The following CAST variants were observed in gnomAD, a reference collection of about 807,000 sequenced individuals.
CAST encodes the protein MIR583 host.
A neutral mutation model predicts 119.6 loss-of-function variants in CAST; 76 were observed. The ratio of observed to expected loss-of-function variants is 0.64; its 90% CI spans 0.53 to 0.77. CAST has a LOEUF of 0.77. Among genes scored for constraint, CAST ranks in the 30% least tolerant of loss-of-function variants. The pLI, the probability that CAST is intolerant of heterozygous loss-of-function variation, is 0.00. For synonymous variants in CAST, 319 were observed against 331.6 expected (o/e 0.96, Z 0.41); for missense variants, 953 against 946.5 (o/e 1.01, Z -0.09).
At chr5:96,249,785 CTG>C in the CAST span, among the ~76,000 whole-genome samples, 17 of 152,206 alleles carry the variant, frequency 1.1e-4, 1 homozygote, top group Admixed American at 9.2e-4. Flanking sequence ...GATTCATAGA[CTG>C]TGTTGGGTGT....
At chr5:96,217,663 T>C in the CAST span, among the ~76,000 whole-genome samples, 3 of 152,224 alleles carry the variant, frequency 2.0e-5, no homozygotes, top group Non-Finnish European at 2.9e-5. Context: ...TCTATTACTA[T>C]GCACAACAAT....
At chr5:96,223,171 A>G in the CAST span, among the ~76,000 whole-genome samples, 2 of 152,152 alleles carry the variant, frequency 1.3e-5, no homozygotes, top group Admixed American at 1.3e-4. Context: ...ACAAACTTAC[A>G]GTTACATAGA....
At chr5:96,192,072 C>T in the CAST span, among the ~76,000 whole-genome samples, 3 of 151,892 alleles carry the variant, frequency 2.0e-5, no homozygotes, top group Non-Finnish European at 4.4e-5. Flanking sequence ...AGGGCCTTTA[C>T]GTAAATTATA....
chr5:95,973,361 C>T, the CAST span: 7 of 152,796 alleles, frequency 4.6e-5, no homozygotes, highest in Admixed American at 2.0e-4. Context: ...CAGAACTATT[C>T]CCACTCCTAG....
At chr5:96,690,114 C>T (rs1055006312) in intron 2 of CAST, among the ~76,000 whole-genome samples, 1 of 152,178 alleles carries the variant, frequency 6.6e-6, no homozygotes, top group Non-Finnish European at 1.5e-5. Context: ...CACACGGAAA[C>T]TGAGTAATCA....
At chr5:96,415,696 A>G in the CAST span, among the ~76,000 whole-genome samples, 8 of 152,324 alleles carry the variant, frequency 5.3e-5, no homozygotes, top group East Asian at 1.3e-3. Context: ...GTCTTTGCCT[A>G]AATTTACCTC....
chr5:96,447,497 C>T, the CAST span, among the ~76,000 whole-genome samples: 1,492 of 152,332 alleles, frequency 9.8e-3, 8 homozygotes, highest in Non-Finnish European at 0.014. Context: ...CACTCACACA[C>T]ATCCACACAC....
chr5:96,252,498 G>A, the CAST span, among the ~76,000 whole-genome samples: 236 of 152,132 alleles, frequency 1.6e-3, 2 homozygotes, highest in African/African-American at 5.1e-3. Context: ...AGTTCTTCAA[G>A]TGCCCAGAAT....
At chr5:96,168,725 C>T in the CAST span, among the ~76,000 whole-genome samples, 1 of 152,012 alleles carries the variant, frequency 6.6e-6, no homozygotes, top group Non-Finnish European at 1.5e-5. Context: ...GAGATACAGT[C>T]ATGGGGGTCA....
chr5:96,520,331 C>G (rs1745494493), upstream of CAST, among the ~76,000 whole-genome samples: 1 of 152,228 alleles, frequency 6.6e-6, no homozygotes, highest in Non-Finnish European at 1.5e-5. Context: ...AGAATGTGCT[C>G]TGTCTGCTGT....
the CAST span, among the ~76,000 whole-genome samples, chr5:95,997,814 T>A: frequency 1.1e-4 from 16 of 152,094 alleles, no homozygotes; most frequent in Admixed American, 1.0e-3. Context: ...TCTGCCAAAC[T>A]GTCAGCATTC....
At position 96,698,808 on chromosome 5, in the gene CAST, T is replaced by C. The variant is rs182230822; in HGVS notation, c.210+2901T>C. Among the ~76,000 whole-genome samples the C allele has an allele frequency of 2.7e-3, 410 of 152,332 alleles. 9 individuals carry two copies. The highest frequency in any genetic ancestry group is 0.02 in the Admixed American group (305 of 15,292). On this transcript the variant is annotated intron_variant, in intron 3 of 31. Transcript: ENST00000675179. The stretch of plus-strand genomic sequence containing the variant: ...TGAGAACTAGTGCTAGTTTTCTTGA[T>C]TCTGGAAATAGTTAATTTGAAATTC...
the CAST span, among the ~76,000 whole-genome samples, chr5:96,325,908 A>G: frequency 6.6e-6 from 1 of 152,218 alleles, no homozygotes; most frequent in Non-Finnish European, 1.5e-5. Flanking sequence ...CAAAGACCCA[A>G]CTTGGCGATC....
chr5:96,046,526 G>A, the CAST span, among the ~76,000 whole-genome samples: 4 of 152,142 alleles, frequency 2.6e-5, no homozygotes, highest in Non-Finnish European at 5.9e-5. Context: ...ACTCCATGGA[G>A]GAAAGACATG....
chr5:96,045,349 G>C, the CAST span, among the ~76,000 whole-genome samples: 1 of 145,474 alleles, frequency 6.9e-6, no homozygotes, highest in African/African-American at 2.5e-5. Context: ...GTGAAACTCT[G>C]TCTCAAGAAA....
chr5:96,361,244 C>T, the CAST span, among the ~76,000 whole-genome samples: 1 of 152,214 alleles, frequency 6.6e-6, no homozygotes, highest in African/African-American at 2.4e-5. Flanking sequence ...AATTTCAAGC[C>T]AGTGGATCTT....
At chr5:96,515,749 T>C in the CAST span, among the ~76,000 whole-genome samples, 1 of 152,066 alleles carries the variant, frequency 6.6e-6, no homozygotes. Context: ...TTTCTTCCCC[T>C]TCCTCCCTGC....
the CAST span, among the ~76,000 whole-genome samples, chr5:95,963,477 T>A: frequency 6.6e-6 from 1 of 152,220 alleles, no homozygotes; most frequent in Non-Finnish European, 1.5e-5. Context: ...GGCTAGCTGT[T>A]AAGACGTGAT....
At chr5:96,639,063 G>A (rs1329274071) in intron 1 of CAST, among the ~76,000 whole-genome samples, 3 of 152,138 alleles carry the variant, frequency 2.0e-5, no homozygotes, top group Admixed American at 1.3e-4. Flanking sequence ...ATTTGGCCCT[G>A]TTCCTTGTCC....
Sources: gnomAD v4.1 joint callset for allele counts (sites outside exome capture counted in the v4.1 genomes callset) on GRCh38, gnomAD v4.1.1 for gene constraint, MANE v1.5 for transcripts, NCBI Gene and HGNC (gene_info 2026-07-23, HGNC 2026-07-21) for gene names.